Variants in STXBP4 observed in about 807,000 individuals in gnomAD.
The protein encoded by STXBP4 is syntaxin-binding protein 4.
Under a neutral mutation model 76.1 loss-of-function variants are expected in STXBP4, and 55 were observed. The observed-to-expected ratio is 0.72, with a 90% confidence interval of 0.58 to 0.91. STXBP4 has a LOEUF of 0.91. Among genes scored for constraint, STXBP4 ranks in the 40% least tolerant of loss-of-function variants. The pLI is 0.00. For missense variants in STXBP4, 618 were observed against 636.9 expected, an observed-to-expected ratio of 0.97 and a Z score of 0.32; for synonymous variants, 201 against 220.2, an observed-to-expected ratio of 0.91 and a Z score of 0.77.
intron 12 of STXBP4, among the ~76,000 whole-genome samples, chr17:55,063,471 C>A (rs1421980105): frequency 9.2e-5 from 14 of 152,176 alleles, no homozygotes; most frequent in Non-Finnish European, 1.5e-5. Context: ...AGGTTCCATA[C>A]TATGAGCCAC....
chr17:55,170,607 A>G lies in STXBP4; in HGVS notation c.*10696A>G, dbSNP rs2145214885. The G allele has an allele frequency of 6.6e-6, 1 of 152,304 alleles. No homozygotes were observed. The highest frequency in any genetic ancestry group is 2.1e-4 in the South Asian group (1 of 4,816). 9.4% of individuals were successfully genotyped at this position (152,304 alleles called of 1,614,324 possible). On this transcript the variant is annotated 3_prime_UTR_variant, in exon 18 of 18. Transcript: ENST00000376352. Reference sequence around the variant, plus strand: ...ATTTTTATTTCCACTTATATTTTCTAGGATTATTTTGCTTTAGAATTCTAT... The same window carrying G: ...ATTTTTATTTCCACTTATATTTTCTGGGATTATTTTGCTTTAGAATTCTAT...
chr17:54,979,299 C>A (rs2077515302), intron 1 of STXBP4, among the ~76,000 whole-genome samples: 1 of 152,000 alleles, frequency 6.6e-6, no homozygotes, highest in South Asian at 2.1e-4. Flanking sequence ...CAAACCATAC[C>A]TACCTAGCAT....
At chr17:55,211,799 G>GTTTTTTTTTTTTTTTTTTTT in the STXBP4 span, among the ~76,000 whole-genome samples, 4 of 49,002 alleles carry the variant, frequency 8.2e-5, no homozygotes, top group African/African-American at 1.2e-4. Context: ...GTTTTTTGTT[G>GTTTTTTTTTTTTTTTTTTTT]TTTTTTTTTT....
At chr17:55,014,895 G>T (rs1187819905) in intron 8 of STXBP4, among the ~76,000 whole-genome samples, 1 of 151,916 alleles carries the variant, frequency 6.6e-6, no homozygotes, top group African/African-American at 2.4e-5. Flanking sequence ...TTGCCTGAGG[G>T]CCATGACTAA....
intron 12 of STXBP4, among the ~76,000 whole-genome samples, chr17:55,051,371 AT>A (rs1475760696): frequency 6.6e-6 from 1 of 152,144 alleles, no homozygotes; most frequent in African/African-American, 2.4e-5. Flanking sequence ...TGAATGCAGT[AT>A]TTGTGTTCAG....
chr17:55,211,799 G>GTTTTTTTTTTTTTTTTTTT, the STXBP4 span, among the ~76,000 whole-genome samples: 5 of 49,004 alleles, frequency 1.0e-4, 1 homozygote, highest in African/African-American at 2.4e-4. Context: ...GTTTTTTGTT[G>GTTTTTTTTTTTTTTTTTTT]TTTTTTTTTT....
intron 16 of STXBP4, among the ~76,000 whole-genome samples, chr17:55,105,249 T>C (rs930587884): frequency 2.6e-5 from 4 of 152,302 alleles, no homozygotes; most frequent in South Asian, 2.1e-4. Context: ...TGCTTTCTCC[T>C]GTGGGCATTT....
intron 16 of STXBP4, among the ~76,000 whole-genome samples, chr17:55,109,884 C>A (rs570077007): frequency 6.6e-5 from 10 of 152,238 alleles, no homozygotes; most frequent in African/African-American, 2.2e-4. Context: ...AGCAATCCAC[C>A]AGTCTTGGCC....
chr17:54,989,911 A>G (rs891862945), intron 3 of STXBP4, among the ~76,000 whole-genome samples: 6 of 152,242 alleles, frequency 3.9e-5, no homozygotes, highest in African/African-American at 1.4e-4. Context: ...ATAAAATTTG[A>G]GATTCAAATG....
At chr17:55,047,877 A>G (rs1324875088) in intron 12 of STXBP4, among the ~76,000 whole-genome samples, 1 of 151,916 alleles carries the variant, frequency 6.6e-6, no homozygotes, top group Non-Finnish European at 1.5e-5. Context: ...AACAAGAAAA[A>G]TAATAATTCC....
chr17:55,125,916 G>C (rs1037166979), intron 16 of STXBP4, among the ~76,000 whole-genome samples: 1 of 152,144 alleles, frequency 6.6e-6, no homozygotes, highest in Non-Finnish European at 1.5e-5. Flanking sequence ...TGGAGACAGA[G>C]ACCCCCAAAT....
intron 8 of STXBP4, among the ~76,000 whole-genome samples, chr17:55,020,033 G>T (rs546561595): frequency 6.6e-6 from 1 of 152,114 alleles, no homozygotes; most frequent in South Asian, 2.1e-4. Flanking sequence ...TTCAGGCTTC[G>T]TAAATCTGAA....
intron 4 of STXBP4, among the ~76,000 whole-genome samples, chr17:54,995,185 G>A (rs1226854412): frequency 3.3e-5 from 5 of 151,910 alleles, no homozygotes; most frequent in Non-Finnish European, 7.4e-5. Context: ...ATGAATGAAC[G>A]GTCCCGTAGT....
chr17:55,115,722 C>G (rs905681656), intron 16 of STXBP4, among the ~76,000 whole-genome samples: 4 of 151,834 alleles, frequency 2.6e-5, no homozygotes, highest in Admixed American at 6.6e-5. Context: ...AATAATTCCT[C>G]AGCGAAACTC....
chr17:55,154,458 A>G (rs749118505), intron 17 of STXBP4, among the ~76,000 whole-genome samples: 19 of 152,188 alleles, frequency 1.2e-4, no homozygotes, highest in Non-Finnish European at 2.5e-4. Context: ...ATACAATCCT[A>G]TATAATTGTT....
At position 55,034,205 on chromosome 17, in the gene STXBP4, G is replaced by A; in HGVS notation, c.801G>A (p.Gln267=). 1.2e-6 allele frequency: 2 copies of A among 1,612,320 alleles called. No homozygotes were observed. The highest frequency in any genetic ancestry group is 1.7e-6 in the Non-Finnish European group (2 of 1,178,928). ...VQVARNLFCL[Q]LDEVNVGAHE... is the part of the protein sequence containing the mutation. ...TTGCCAGAAACTTGTTTTGCTTGCA[G>A]TTGGATGAAGTAAATGTTGGTGCAC... Residue 267 remains glutamine (Q), a synonymous_variant, in exon 10 of 18, where the codon CAG becomes CAA. Coordinates refer to ENST00000376352, the MANE Select transcript of STXBP4 (RefSeq NM_178509.6).
chr17:55,027,028 G>A (rs1021399821), intron 8 of STXBP4, among the ~76,000 whole-genome samples: 2 of 152,134 alleles, frequency 1.3e-5, no homozygotes, highest in Non-Finnish European at 1.5e-5. Context: ...AGCCAATACC[G>A]CAAGTGAGAG....
Position 54,999,846 on chromosome 17 carries a change from A to C in STXBP4, c.498+4A>C. ...TGACATTTTATCTTCTTGTGAGGTA[A>C]GTCAGGTAATCTTAAATTTCTCTAT... On this transcript the variant is annotated splice_donor_region_variant and intron_variant, in intron 6 of 17. Transcript: ENST00000376352. 1 of 1,599,594 alleles carries C rather than the reference A, an allele frequency of 6.3e-7. No individual in the cohort carries two copies. The highest frequency in any genetic ancestry group is 1.1e-5 in the South Asian group (1 of 90,092).
At chr17:55,117,025 A>G (rs1434679330) in intron 16 of STXBP4, among the ~76,000 whole-genome samples, 1 of 151,836 alleles carries the variant, frequency 6.6e-6, no homozygotes, top group Non-Finnish European at 1.5e-5. Context: ...CTAGAAGGAA[A>G]TTTCTCAGGA....
Sources: allele counts gnomAD v4.1 joint callset (sites outside exome capture counted in the v4.1 genomes callset), GRCh38; gene constraint gnomAD v4.1.1; transcripts MANE v1.5; gene names NCBI Gene and HGNC (gene_info 2026-07-23, HGNC 2026-07-21).